THBS2: variants seen among roughly 807,000 people sequenced by gnomAD.
The protein encoded by THBS2 is thrombospondin-2.
In THBS2, 47 loss-of-function variants were observed where a neutral mutation model predicts 135.2. The ratio of observed to expected loss-of-function variants is 0.35; its 90% confidence interval spans 0.28 to 0.44. The LOEUF is 0.44. Among genes scored for constraint, THBS2 ranks in the 20% least tolerant of loss-of-function variants. The pLI, the probability that THBS2 is intolerant of heterozygous loss-of-function variation, is 1.00. For missense variants in THBS2, 1,288 were observed against 1,603.1 expected, an observed-to-expected ratio of 0.80 and a Z score of 3.36; for synonymous variants, 639 against 633.8, an observed-to-expected ratio of 1.01 and a Z score of -0.12.
In THBS2 at chr6:169,231,988, A is replaced by G; in HGVS notation, c.2143T>C (p.Cys715Arg). The change falls in exon 13 of 22, where the codon TGC becomes CGC. Residue 715 changes from cysteine to arginine, a missense_variant. Cys to Arg is a radical substitution (Grantham distance 180). Around this residue, in one of 2 missense-constraint regions of THBS2, gnomAD observed 874 missense variants for 1,156.1 expected, o/e 0.76. Coordinates refer to ENST00000617924, the MANE Select transcript of THBS2 (RefSeq NM_003247.5). ...CGAGCCCCGCGCCTCACCTTGATGC[A>G]GTGGTAGGTGGCGTTGGTGGCGCAG... The part of the protein sequence containing the change: ...LVCATNATYH[C>R]IKDNCPHLPN... The G allele has an allele frequency of 1.2e-6, 2 of 1,613,752 alleles. No individual in the cohort carries two copies. Among genetic ancestry groups the G allele is most frequent in the Non-Finnish European group, 8.5e-7 (1 of 1,179,882 alleles).
At chr6:169,237,075 G>A in intron 9 of THBS2, 95 bp downstream of exon 9, 1 of 1,414,078 alleles carries the variant, frequency 7.1e-7, no homozygotes, top group Non-Finnish European at 9.5e-7. Context: ...GCTGGAACAG[G>A]CCCTGACACC....
rs1780301194 is a variant in THBS2, at chr6:169,241,628, C to T, written c.891+134G>A. 2.3e-6 allele frequency: 2 copies of T among 880,254 alleles called. No individual in the cohort carries two copies. The highest frequency in any genetic ancestry group is 3.4e-6 in the Non-Finnish European group (2 of 582,936). The allele number at this position is 880,254 out of a possible 1,614,324, so 54.5% of individuals were successfully genotyped here. ...ATCCTGAGGAGCCCGGCAGACACCTCCCCTGTGAACTGTGGGTTTTTACAT... is the reference window on the plus strand; with the variant it reads ...ATCCTGAGGAGCCCGGCAGACACCTTCCCTGTGAACTGTGGGTTTTTACAT... On this transcript the variant is annotated intron_variant, in intron 5 of 21. Coordinates refer to ENST00000617924, the MANE Select transcript of THBS2 (RefSeq NM_003247.5). This position sits in a 1 kb window ranked among gnomAD's most constrained non-coding sequence, Gnocchi z 5.5.
rs1583417127 is a variant in THBS2 at position 169,241,090 on chromosome 6, C to T, written c.892-498G>A. On this transcript the variant is annotated intron_variant, in intron 5 of 21. Coordinates refer to ENST00000617924, the MANE Select transcript of THBS2 (RefSeq NM_003247.5). This position sits in a 1 kb window ranked among gnomAD's most constrained non-coding sequence, Gnocchi z 5.5. ...ACTCCTGCCCCTGCCGCCCTCCCTG[C>T]CCTGGGCTCCATCTCCTGGCATCAT... is the stretch of plus-strand genomic sequence containing the variant. 6.6e-6 allele frequency among the ~76,000 whole-genome samples: 1 copy of T among 151,704 alleles called. No homozygotes were observed.
chr6:169,220,986 T>C (rs1417993452), intron 20 of THBS2, among the ~76,000 whole-genome samples: 8 of 152,192 alleles, frequency 5.3e-5, no homozygotes, highest in Admixed American at 3.9e-4. Flanking sequence ...TTTGTTTGAA[T>C]AAAAATCAAT....
At chr6:169,247,520 TTA>T (rs1465494270) in intron 3 of THBS2, among the ~76,000 whole-genome samples, 1 of 127,700 alleles carries the variant, frequency 7.8e-6, no homozygotes, top group African/African-American at 2.8e-5. Context: ...GTTCATGTGT[TTA>T]TGTGTGGGGG....
rs765097536 is a variant in THBS2, at chr6:169,252,695, G to A, written c.-23+1029C>T. On this transcript the variant is annotated intron_variant, in intron 1 of 21. Transcript: ENST00000617924. This position sits in a 1 kb window ranked among gnomAD's most constrained non-coding sequence, Gnocchi z 4.3. ...TGGCCTCAGCCCATCCAGGGACACC[G>A]GGCATGCATGGATGGAGCCACGGAT... 3.9e-5 allele frequency among the ~76,000 whole-genome samples: 6 copies of A among 152,124 alleles called. No individual in the cohort carries two copies. The highest frequency in any genetic ancestry group is 1.2e-4 in the African/African-American group (5 of 41,432).
chr6:169,248,019 G>A (rs1302581994), intron 3 of THBS2, among the ~76,000 whole-genome samples: 1 of 150,678 alleles, frequency 6.6e-6, no homozygotes, highest in Non-Finnish European at 1.5e-5. Context: ...TCACATGCAT[G>A]TGTATGTGGT....
In THBS2 at chr6:169,230,988, A is replaced by G. The variant is rs1779810395; in HGVS notation, c.2151+992T>C. On this transcript the variant is annotated intron_variant, in intron 13 of 21. Transcript: ENST00000617924. ...TTTTGTGTCAGTTTGTGGCATTTCC[A>G]TGTCTGACCTTCTTAAGGCATAAAA... 3.3e-5 allele frequency among the ~76,000 whole-genome samples: 5 copies of G among 152,308 alleles called. 1 individual carries two copies. The South Asian group carries it at 1.0e-3, about 32-fold the overall frequency.
At chr6:169,251,838 C>G (rs1486052336) in intron 1 of THBS2, 1 of 141,936 alleles carries the variant, frequency 7.0e-6, no homozygotes, top group East Asian at 2.3e-4. Flanking sequence ...GGACCCCCCC[C>G]CCAAACCATC....
chr6:169,245,785 C>G (rs1268048468), intron 4 of THBS2, among the ~76,000 whole-genome samples: 3 of 129,318 alleles, frequency 2.3e-5, no homozygotes, highest in Non-Finnish European at 4.8e-5. Context: ...GAGTGAGACT[C>G]TGGCTCAAAA....
intron 4 of THBS2, among the ~76,000 whole-genome samples, chr6:169,243,017 C>G (rs1373308193): frequency 5.8e-5 from 8 of 138,376 alleles, no homozygotes; most frequent in Admixed American, 2.2e-4. Context: ...TCCCACATTC[C>G]CACCTTCCCA....
chr6:169,239,489 AG>A (rs1780216642), intron 7 of THBS2, 109 bp downstream of exon 7: 1 of 991,704 alleles, frequency 1.0e-6, no homozygotes, highest in African/African-American at 1.6e-5. Flanking sequence ...ACCTGTACTC[AG>A]GGGGCTGAAC....
At chr6:169,230,245 G>A (rs6605521) in intron 13 of THBS2, among the ~76,000 whole-genome samples, 97,820 of 152,116 alleles carry the variant, frequency 0.64, 32,540 homozygotes, top group African/African-American at 0.83. Flanking sequence ...TTTCAGTCCA[G>A]TTATACCATA....
At position 169,221,449 on chromosome 6, in the gene THBS2, G is replaced by T; in HGVS notation, c.3352C>A (p.Pro1118Thr). 1 of 1,613,966 alleles carries T rather than the reference G, an allele frequency of 6.2e-7. No individual in the cohort carries two copies. The change falls in exon 20 of 22, where the codon CCC (proline) becomes ACC (threonine). Residue 1118 changes from proline (P) to threonine (T), a missense_variant. By Grantham distance (38) the Pro-to-Thr change is conservative (BLOSUM62 -1). Around this residue, in one of 2 missense-constraint regions of THBS2, gnomAD observed 874 missense variants for 1,156.1 expected, o/e 0.76. Coordinates refer to ENST00000617924, the MANE Select transcript of THBS2 (RefSeq NM_003247.5). ...CCTCACCTGATGTAGCCAGTCTTGG[G>T]CCTGTGAGTCAGGTGCCACCTATAG... ...TAYRWHLTHR[P>T]KTGYIRVLVH...
Position 169,248,564 on chromosome 6 carries a change from C to T in THBS2, c.462G>A (p.Val154=), listed in dbSNP as rs1303591678. The T allele has an allele frequency of 6.2e-7, 1 of 1,614,032 alleles. No homozygotes were observed. The highest frequency in any genetic ancestry group is 8.5e-7 in the Non-Finnish European group (1 of 1,180,038). The change falls in exon 3 of 22, where the codon GTG becomes GTA. Residue 154 remains valine (V), a synonymous_variant. Coordinates refer to ENST00000617924, the MANE Select transcript of THBS2 (RefSeq NM_003247.5). ...LADSQWKNVT[V]QVAGETYSLH... ...AGCTGTAGGTCTCGCCAGCCACCTG[C>T]ACGGTGACGTTCTTCCACTGCGAGT... is the stretch of plus-strand genomic sequence containing the variant.
At chr6:169,228,417 G>A (rs1353600838) in intron 14 of THBS2, 136 bp from the exon 15 acceptor site, 3 of 1,114,970 alleles carry the variant, frequency 2.7e-6, no homozygotes, top group Non-Finnish European at 3.8e-6. Flanking sequence ...GCCAGTTAGG[G>A]CTGGACGGTG....
At chr6:169,228,558 G>A (rs1779721434) in intron 14 of THBS2, among the ~76,000 whole-genome samples, 1 of 151,924 alleles carries the variant, frequency 6.6e-6, no homozygotes, top group Non-Finnish European at 1.5e-5. Context: ...GAGGCGGGCG[G>A]ATCACCTGAG....
chr6:169,219,875 T>C (rs1779362414), intron 21 of THBS2: 2 of 570,822 alleles, frequency 3.5e-6, no homozygotes, highest in African/African-American at 1.9e-5. Context: ...AATGCAAGGG[T>C]ACCAATCTAA....
In THBS2 at chr6:169,237,668, G is replaced by T. The variant is rs9766671; in HGVS notation, c.1257C>A (p.Ser419=). Residue 419 remains serine (S), a synonymous_variant, in exon 8 of 22, where the codon TCC becomes TCA. Transcript: ENST00000617924. ...TCAGACTGCAAGCCCGTGTCTGGAT[G>T]GAGGGCCCCAAGCAGGTGTTGCTGG... is the stretch of plus-strand genomic sequence containing the variant. The part of the protein sequence containing the change: ...DVTSNTCLGP[S]IQTRACSLSK... 8.1e-6 allele frequency: 13 copies of T among 1,612,742 alleles called. No individual in the cohort carries two copies. The African/African-American group carries it at 1.6e-4, about 20-fold the overall frequency.
Sources: gnomAD v4.1 joint callset for allele counts (sites outside exome capture counted in the v4.1 genomes callset) on GRCh38, gnomAD v4.1.1 for gene constraint, gnomAD v4.1.1 regional missense constraint, Gnocchi (gnomAD v3.1) non-coding constraint, MANE v1.5 for transcripts, NCBI Gene and HGNC (gene_info 2026-07-23, HGNC 2026-07-21) for gene names.